Variants in PCDHGB2 observed in about 807,000 individuals in gnomAD.
PCDHGB2 encodes protocadherin gamma subfamily B, 2.
In PCDHGB2, 55 loss-of-function variants were observed where a neutral mutation model predicts 59.3. The observed-to-expected ratio is 0.93, with a 90% CI of 0.75 to 1.16. The LOEUF is 1.16. Ranked by LOEUF, PCDHGB2 falls within the 50% of genes most tolerant of loss-of-function variation. PCDHGB2 has a pLI of 0.00. For synonymous variants in PCDHGB2, 516 were observed against 512.0 expected, an observed-to-expected ratio of 1.01 and a Z score of -0.11; for missense variants, 1,228 against 1,198.5, an observed-to-expected ratio of 1.02 and a Z score of -0.36.
intron 1 of PCDHGB2, chr5:141,399,208 C>G: frequency 6.2e-7 from 1 of 1,613,958 alleles, no homozygotes; most frequent in Non-Finnish European, 8.5e-7. Context: ...GCCTGGAACA[C>G]TAATTGCTTT....
At chr5:141,421,030 G>C (rs989158485) in intron 1 of PCDHGB2, 2 of 532,352 alleles carry the variant, frequency 3.8e-6, no homozygotes, top group African/African-American at 3.9e-5. Context: ...GCGCCATTGA[G>C]TCCCTCCCTC....
chr5:141,498,119 T>C (rs780741291), intron 2 of PCDHGB2, among the ~76,000 whole-genome samples: 42 of 152,192 alleles, frequency 2.8e-4, no homozygotes, highest in Non-Finnish European at 4.8e-4. Flanking sequence ...AATAGGGATT[T>C]GATTTAGGGA....
chr5:141,366,653 T>TACGCAGAC (rs781417459), intron 1 of PCDHGB2: 2 of 1,614,240 alleles, frequency 1.2e-6, no homozygotes, highest in East Asian at 4.5e-5. Context: ...CCAGCCCAAC[T>TACGCAGAC]ACGCAGACAC....
At chr5:141,384,058 C>T (rs1246180478) in intron 1 of PCDHGB2, 2 of 1,609,504 alleles carry the variant, frequency 1.2e-6, no homozygotes, top group Non-Finnish European at 1.7e-6. Context: ...CTGCACCATT[C>T]CAGAAAACCT....
rs2099749948 is a variant in PCDHGB2 at position 141,493,762 on chromosome 5, C to T, written c.2422-1045C>T. Among the ~76,000 whole-genome samples the T allele has an allele frequency of 1.3e-5, 2 of 152,130 alleles. No homozygotes were observed. Among genetic ancestry groups the T allele is most frequent in the South Asian group, 4.1e-4 (2 of 4,830 alleles). Reference sequence around the variant, plus strand: ...TGCCACCTGTGAGCCTTGAGTGAGCCACTGGCAGTTCCGGAGCTTCCTTCT... The same window carrying T: ...TGCCACCTGTGAGCCTTGAGTGAGCTACTGGCAGTTCCGGAGCTTCCTTCT... On this transcript the variant is annotated intron_variant, in intron 1 of 3. Transcript: ENST00000522605. The surrounding 1 kb of genome is among the most constrained non-coding windows in gnomAD (Gnocchi z 4.3).
At chr5:141,430,950 TC>T (rs1353555538) in intron 1 of PCDHGB2, 1 of 1,609,980 alleles carries the variant, frequency 6.2e-7, no homozygotes, top group East Asian at 2.2e-5. Flanking sequence ...GAGCGCGGAG[TC>T]CGCATCATCC....
chr5:141,370,865 G>A lies in PCDHGB2; in HGVS notation c.2421+8309G>A, dbSNP rs749306291. The A allele has an allele frequency of 1.2e-5, 19 of 1,613,886 alleles. 1 individual carries two copies. The South Asian group carries it at 1.9e-4, about 16-fold the overall frequency. ...GAGCCACATTTGCCCTGGAATCTGC[G>A]CAAGATCCTGATGTAGGTGTCAATT... On this transcript the variant is annotated intron_variant, in intron 1 of 3. Transcript: ENST00000522605.
At chr5:141,393,349 C>G in intron 1 of PCDHGB2, 1 of 1,613,964 alleles carries the variant, frequency 6.2e-7, no homozygotes, top group Non-Finnish European at 8.5e-7. Context: ...CACCACTTCT[C>G]CCTGGACGTG....
At chr5:141,444,644 G>T (rs1300191764) in intron 1 of PCDHGB2, among the ~76,000 whole-genome samples, 1 of 151,892 alleles carries the variant, frequency 6.6e-6, no homozygotes, top group Non-Finnish European at 1.5e-5. Flanking sequence ...ATTGAGGTAG[G>T]GGTTGAAGTT....
intron 1 of PCDHGB2, chr5:141,366,380 C>T: frequency 6.2e-7 from 1 of 1,614,106 alleles, no homozygotes; most frequent in Non-Finnish European, 8.5e-7. Flanking sequence ...CCCCATTGAC[C>T]CTGAGGATCT....
At chr5:141,411,895 A>G (rs945335839) in intron 1 of PCDHGB2, 1 of 152,254 alleles carries the variant, frequency 6.6e-6, no homozygotes, top group Non-Finnish European at 1.5e-5. Context: ...TAAATGAAAT[A>G]CTATTGCCTT....
intron 2 of PCDHGB2, among the ~76,000 whole-genome samples, chr5:141,500,329 C>G (rs1384834356): frequency 6.6e-6 from 1 of 151,986 alleles, no homozygotes; most frequent in Non-Finnish European, 1.5e-5. Flanking sequence ...CTGCCTCAGC[C>G]TCCAGAATAG....
chr5:141,386,504 T>A (rs1351334049), intron 1 of PCDHGB2, among the ~76,000 whole-genome samples: 1 of 84,712 alleles, frequency 1.2e-5, no homozygotes, highest in Non-Finnish European at 2.3e-5. Flanking sequence ...AACAAGACTC[T>A]GTCTCTTCAA....
intron 1 of PCDHGB2, chr5:141,419,462 C>T: frequency 6.2e-7 from 1 of 1,612,582 alleles, no homozygotes. Flanking sequence ...GCTGCAGGCC[C>T]GCGACCAGGG....
chr5:141,384,719 T>A (rs758469916), intron 1 of PCDHGB2: 1 of 1,614,100 alleles, frequency 6.2e-7, no homozygotes, highest in Non-Finnish European at 8.5e-7. Context: ...CTGTCATACC[T>A]CCTGCTTAAG....
intron 3 of PCDHGB2, among the ~76,000 whole-genome samples, chr5:141,506,564 G>A (rs984395438): frequency 5.3e-5 from 8 of 152,016 alleles, no homozygotes; most frequent in East Asian, 1.9e-4. Context: ...AAACCCCCTC[G>A]GTTTCACTTA....
At chr5:141,382,871 G>C (rs764156663) in intron 1 of PCDHGB2, 22 of 1,520,388 alleles carry the variant, frequency 1.4e-5, no homozygotes, top group Admixed American at 8.9e-5. Flanking sequence ...TCCCGAGATC[G>C]GCGCCTAAGC....
intron 1 of PCDHGB2, among the ~76,000 whole-genome samples, chr5:141,425,417 G>A (rs1238708306): frequency 2.0e-5 from 3 of 152,162 alleles, no homozygotes; most frequent in East Asian, 3.9e-4. Context: ...ATAACATATA[G>A]TCCCATTAAA....
rs933089146 is a variant in PCDHGB2, at chr5:141,490,786, A to G, written c.2422-4021A>G. ...GTATGTCAACCCAGAGGATGGACGGATCTTTGCCCAGCGTACCTTTGACTA... is the reference window on the plus strand; with the variant it reads ...GTATGTCAACCCAGAGGATGGACGGGTCTTTGCCCAGCGTACCTTTGACTA... On this transcript the variant is annotated intron_variant, in intron 1 of 3. Coordinates refer to ENST00000522605, the MANE Select transcript of PCDHGB2 (RefSeq NM_018923.3). This position sits in a 1 kb window ranked among gnomAD's most constrained non-coding sequence, Gnocchi z 5.4. The G allele has an allele frequency of 1.9e-6, 3 of 1,614,056 alleles. No individual in the cohort carries two copies. The highest frequency in any genetic ancestry group is 1.7e-5 in the Admixed American group (1 of 60,016).
Sources: gnomAD v4.1 joint callset for allele counts (sites outside exome capture counted in the v4.1 genomes callset) on GRCh38, gnomAD v4.1.1 for gene constraint, Gnocchi (gnomAD v3.1) non-coding constraint, MANE v1.5 for transcripts, NCBI Gene and HGNC (gene_info 2026-07-23, HGNC 2026-07-21) for gene names.